TMEM40: variants seen among roughly 807,000 people sequenced by gnomAD.
TMEM40 encodes the protein transmembrane protein 40.
A neutral mutation model predicts 40.8 loss-of-function variants in TMEM40; 34 were observed. The ratio of observed to expected loss-of-function variants is 0.83; its 90% confidence interval spans 0.63 to 1.11. The LOEUF (loss-of-function observed/expected upper bound fraction) is 1.11, where lower values mean the gene tolerates loss of function less well. TMEM40 is among the 50% of genes least tolerant of loss of function. TMEM40 has a pLI of 0.00. For missense variants in TMEM40, 296 were observed against 280.2 expected, an observed-to-expected ratio of 1.06 and a Z score of -0.40; for synonymous variants, 106 against 107.0, an observed-to-expected ratio of 0.99 and a Z score of 0.06.
intron 2 of TMEM40, 93 bp downstream of exon 2, chr3:12,749,667 C>A: frequency 8.9e-7 from 1 of 1,129,200 alleles, no homozygotes; most frequent in Non-Finnish European, 1.3e-6. Flanking sequence ...CCCTGTGCAA[C>A]GTGAGTTGAG....
intron 1 of TMEM40, among the ~76,000 whole-genome samples, chr3:12,755,227 CTCTCTCTCTTTCTTTCTT>C (rs1559533298): frequency 6.4e-5 from 6 of 93,078 alleles, no homozygotes; most frequent in African/African-American, 3.8e-4. Flanking sequence ...CTCTCTCTCT[CTCTCTCTCTTTCTTTCTT>C]TCTTTCTTTC....
intron 1 of TMEM40, among the ~76,000 whole-genome samples, chr3:12,765,540 T>C (rs1275585412): frequency 2.0e-5 from 3 of 151,664 alleles, no homozygotes; most frequent in Non-Finnish European, 4.4e-5. Context: ...TGCTTTGGGT[T>C]CTAAAGAAAA....
chr3:12,744,080 T>C, intron 3 of TMEM40, 91 bp from the exon 4 acceptor site: 1 of 1,351,778 alleles, frequency 7.4e-7, no homozygotes, highest in Non-Finnish European at 1.0e-6. Context: ...AGAATTTAGT[T>C]TATGAGAAGA....
In TMEM40 at chr3:12,749,786, A is replaced by G; in HGVS notation, c.47T>C (p.Val16Ala). ...GTCTACATCTTCTGTTTCTCTGTGG[A>G]CTTGACTGTTGTCCTGAGGCTGGGA... ...SSSQPQDNSQ[V>A]HRETEDVDYG... Residue 16 changes from valine (V) to alanine (A), a missense_variant, in exon 2 of 12, where the codon GTC (valine) becomes GCC (alanine). Physicochemically the swap from Val to Ala is moderately conservative, Grantham distance 64. Coordinates refer to ENST00000314124, the MANE Select transcript of TMEM40 (RefSeq NM_018306.4). The G allele has an allele frequency of 6.2e-7, 1 of 1,614,068 alleles. No individual in the cohort carries two copies. Among genetic ancestry groups the G allele is most frequent in the Non-Finnish European group, 8.5e-7 (1 of 1,180,024 alleles).
intron 5 of TMEM40, chr3:12,738,822 C>G: frequency 2.0e-6 from 1 of 497,576 alleles, no homozygotes; most frequent in East Asian, 3.3e-5. Context: ...CTGTCAATTT[C>G]CCCAGAGAAG....
chr3:12,757,106 A>G (rs954893812), intron 1 of TMEM40, among the ~76,000 whole-genome samples: 1 of 152,182 alleles, frequency 6.6e-6, no homozygotes, highest in African/African-American at 2.4e-5. Flanking sequence ...ATCCAGTTTA[A>G]AAACGGACAG....
At chr3:12,766,362 G>A (rs865920763) in intron 1 of TMEM40, among the ~76,000 whole-genome samples, 4 of 152,002 alleles carry the variant, frequency 2.6e-5, no homozygotes, top group African/African-American at 2.4e-5. Flanking sequence ...TTGGGAGGCC[G>A]AGGAGGGCGG....
chr3:12,754,466 C>G (rs1307677066), intron 1 of TMEM40, among the ~76,000 whole-genome samples: 1 of 152,234 alleles, frequency 6.6e-6, no homozygotes, highest in Non-Finnish European at 1.5e-5. Context: ...AGGTTGTTGT[C>G]TAGCATGTCT....
At chr3:12,767,751 C>T (rs1200182454) in intron 1 of TMEM40, among the ~76,000 whole-genome samples, 1 of 152,166 alleles carries the variant, frequency 6.6e-6, no homozygotes, top group Non-Finnish European at 1.5e-5. Flanking sequence ...CCCAGCACTA[C>T]TGGACTTAAC....
chr3:12,739,971 G>A (rs2061368431), intron 5 of TMEM40, among the ~76,000 whole-genome samples: 1 of 148,990 alleles, frequency 6.7e-6, no homozygotes, highest in Non-Finnish European at 1.5e-5. Context: ...TTACAGGTGT[G>A]AGCCACCATG....
At chr3:12,761,589 G>A (rs2061568835), upstream of TMEM40, among the ~76,000 whole-genome samples, 1 of 148,458 alleles carries the variant, frequency 6.7e-6, no homozygotes, top group Non-Finnish European at 1.5e-5. Flanking sequence ...CATGGCAACA[G>A]AGTGAGATCT....
intron 5 of TMEM40, 34 bp downstream of exon 5, chr3:12,742,420 T>G (rs985998310): frequency 1.2e-6 from 2 of 1,609,170 alleles, no homozygotes; most frequent in East Asian, 2.2e-5. Flanking sequence ...CTTCGTCTAA[T>G]TGTTTTCTCC....
intron 8 of TMEM40, chr3:12,737,455 G>T: frequency 1.7e-6 from 1 of 572,978 alleles, no homozygotes; most frequent in East Asian, 3.0e-5. Flanking sequence ...GAGGACCAGG[G>T]CTCAAGCTCA....
At chr3:12,749,738 G>A in intron 2 of TMEM40, 22 bp downstream of exon 2, 2 of 1,610,758 alleles carry the variant, frequency 1.2e-6, no homozygotes, top group South Asian at 2.2e-5. Context: ...TTTGCCCAGA[G>A]GGTCAGAGAA....
upstream of TMEM40, among the ~76,000 whole-genome samples, chr3:12,763,077 G>T (rs754602263): frequency 1.3e-5 from 2 of 149,864 alleles, no homozygotes; most frequent in African/African-American, 4.9e-5. Context: ...GGAGAATGGC[G>T]TGAATCCGGG....
intron 1 of TMEM40, among the ~76,000 whole-genome samples, chr3:12,758,173 A>AC (rs1241047146): frequency 1.2e-4 from 18 of 151,938 alleles, no homozygotes; most frequent in African/African-American, 4.4e-4. Context: ...ATGGTCCCTG[A>AC]CGTGCAGCCA....
intron 6 of TMEM40, 44 bp downstream of exon 6, chr3:12,738,509 C>T (rs770952077): frequency 6.2e-7 from 1 of 1,610,292 alleles, no homozygotes; most frequent in East Asian, 2.2e-5. Flanking sequence ...AGACCTGGCT[C>T]AATACCAGCA....
At chr3:12,763,776 T>C (rs150956750), upstream of TMEM40, among the ~76,000 whole-genome samples, 144 of 152,328 alleles carry the variant, frequency 9.5e-4, no homozygotes, top group African/African-American at 3.3e-3. Context: ...GTGATGAGGC[T>C]GTGGGATCCT....
In TMEM40 at chr3:12,736,663, A is replaced by G; in HGVS notation, c.545-11T>C. 6.2e-7 allele frequency: 1 copy of G among 1,610,456 alleles called. No homozygotes were observed. The highest frequency in any genetic ancestry group is 1.1e-5 in the South Asian group (1 of 90,836). ...GAGACATGAACCAGTCTGGAAGGGC[A>G]GTGAGGGAGGGAATGGTCAGCCTCC... On this transcript the variant is annotated splice_polypyrimidine_tract_variant and intron_variant, in intron 9 of 11. Transcript: ENST00000314124.
Sources: gnomAD v4.1 joint callset for allele counts (sites outside exome capture counted in the v4.1 genomes callset) on GRCh38, gnomAD v4.1.1 for gene constraint, MANE v1.5 for transcripts, NCBI Gene and HGNC (gene_info 2026-07-23, HGNC 2026-07-21) for gene names.